Variants in CRPPA observed in about 807,000 individuals in gnomAD.
CRPPA encodes the protein D-ribitol-5-phosphate cytidylyltransferase.
Under a neutral mutation model 52.0 loss-of-function variants are expected in CRPPA, and 43 were observed. The observed-to-expected ratio is 0.83, with a 90% CI of 0.65 to 1.07. The LOEUF is 1.07. Among genes scored for constraint, CRPPA ranks in the 50% least tolerant of loss-of-function variants. CRPPA has a pLI of 0.00. For missense variants in CRPPA, 629 were observed against 551.7 expected, an observed-to-expected ratio of 1.14 and a Z score of -1.40; for synonymous variants, 250 against 203.5, an observed-to-expected ratio of 1.23 and a Z score of -1.94.
At chr7:16,158,156 T>C (rs1044186989) in intron 9 of CRPPA, among the ~76,000 whole-genome samples, 17 of 151,952 alleles carry the variant, frequency 1.1e-4, no homozygotes, top group African/African-American at 4.1e-4. Context: ...AGTGCTGGGA[T>C]TACAGGCGTG....
chr7:16,389,928 A>AAAAAAATAT, intron 2 of CRPPA, among the ~76,000 whole-genome samples: 20 of 29,752 alleles, frequency 6.7e-4, no homozygotes, highest in African/African-American at 3.1e-3. Context: ...AAAAAAAAAA[A>AAAAAAATAT]ATATATATAT....
At chr7:16,264,940 G>T (rs1295144) in intron 6 of CRPPA, among the ~76,000 whole-genome samples, 1 of 152,050 alleles carries the variant, frequency 6.6e-6, no homozygotes, top group African/African-American at 2.4e-5. Context: ...GGCAAGTTAC[G>T]TAAGTCCTGT....
At chr7:16,353,577 T>C (rs558264730) in intron 3 of CRPPA, among the ~76,000 whole-genome samples, 206 of 152,256 alleles carry the variant, frequency 1.4e-3, no homozygotes, top group Non-Finnish European at 2.4e-3. Flanking sequence ...TGGCAGGGTG[T>C]GGTGGCTCAC....
intron 9 of CRPPA, among the ~76,000 whole-genome samples, chr7:16,200,795 C>T (rs1781833428): frequency 6.6e-6 from 1 of 152,114 alleles, no homozygotes; most frequent in African/African-American, 2.4e-5. Flanking sequence ...GCAGACCTAA[C>T]AGACAATGAA....
chr7:16,176,860 T>A (rs193296905), intron 9 of CRPPA, among the ~76,000 whole-genome samples: 1 of 152,268 alleles, frequency 6.6e-6, no homozygotes, highest in East Asian at 1.9e-4. Flanking sequence ...TAACGGAACA[T>A]GAATGCTGCT....
intron 9 of CRPPA, among the ~76,000 whole-genome samples, chr7:16,109,298 G>A (rs1782214349): frequency 6.6e-6 from 1 of 151,732 alleles, no homozygotes. Flanking sequence ...TCAATGAATT[G>A]AGTAACCCAG....
At chr7:16,410,342 T>C (rs761456721) in intron 1 of CRPPA, among the ~76,000 whole-genome samples, 9 of 152,220 alleles carry the variant, frequency 5.9e-5, no homozygotes, top group African/African-American at 1.9e-4. Context: ...GCCCATTTCC[T>C]AGGCCTTTCA....
intron 2 of CRPPA, among the ~76,000 whole-genome samples, chr7:16,389,913 CAAAAAAA>C (rs1163092089): frequency 3.8e-4 from 13 of 34,310 alleles, no homozygotes; most frequent in African/African-American, 1.1e-3. Context: ...GCCTAGTATA[CAAAAAAA>C]AAAAAAAAAT....
At position 16,368,423 on chromosome 7, in the gene CRPPA, C is replaced by T. The variant is rs147655009; in HGVS notation, c.684+7669G>A. Reference sequence around the variant, plus strand: ...ACAAATACCTAGTTACATGGAAAAGCCCAAGATTCTTTGAAAACAAACACA... The same window carrying T: ...ACAAATACCTAGTTACATGGAAAAGTCCAAGATTCTTTGAAAACAAACACA... On this transcript the variant is annotated intron_variant, in intron 3 of 9. Coordinates refer to ENST00000407010, the MANE Select transcript of CRPPA (RefSeq NM_001101426.4). 3.1e-3 allele frequency among the ~76,000 whole-genome samples: 476 copies of T among 152,206 alleles called. 2 individuals are homozygous for T. The highest frequency in any genetic ancestry group is 0.014 in the Middle Eastern group (4 of 294).
intron 9 of CRPPA, among the ~76,000 whole-genome samples, chr7:16,179,943 T>C (rs1024155543): frequency 1.3e-5 from 2 of 152,152 alleles, no homozygotes; most frequent in Non-Finnish European, 2.9e-5. Context: ...TTTTAACATG[T>C]ATTTAATGAA....
At chr7:16,299,652 G>T (rs1464485508) in intron 5 of CRPPA, among the ~76,000 whole-genome samples, 3 of 152,196 alleles carry the variant, frequency 2.0e-5, no homozygotes, top group Non-Finnish European at 4.4e-5. Flanking sequence ...CTAAAAGTTT[G>T]TTGACCTAAA....
At chr7:16,411,728 G>T (rs1338919858) in intron 1 of CRPPA, among the ~76,000 whole-genome samples, 2 of 152,078 alleles carry the variant, frequency 1.3e-5, no homozygotes, top group Admixed American at 6.6e-5. Context: ...GCTACTAAAA[G>T]TATTTCATAT....
intron 9 of CRPPA, among the ~76,000 whole-genome samples, chr7:16,193,175 C>A (rs937393615): frequency 1.3e-5 from 2 of 152,046 alleles, no homozygotes; most frequent in Admixed American, 6.6e-5. Context: ...ACATGATATA[C>A]GTATCCATTT....
chr7:16,421,328 C>T lies in CRPPA; in HGVS notation c.-6G>A. The T allele has an allele frequency of 1.6e-6, 2 of 1,244,908 alleles. No homozygotes were observed. Among genetic ancestry groups the T allele is most frequent in the Middle Eastern group, 3.1e-4 (1 of 3,206 alleles). 77.1% of individuals were successfully genotyped at this position (1,244,908 alleles called of 1,614,324 possible). A position where few individuals can be genotyped will look rare whatever the true frequency, so the allele number is the denominator to read the frequency against. ...CCCGGCGGCCCGGCCTCCATGGCTG[C>T]GGGCGGAACGGCGAGCCCCGCTAGC... is the stretch of plus-strand genomic sequence containing the variant. On this transcript the variant is annotated 5_prime_UTR_variant, in exon 1 of 10. Coordinates refer to ENST00000407010, the MANE Select transcript of CRPPA (RefSeq NM_001101426.4).
At chr7:16,196,460 A>C (rs1314067749) in intron 9 of CRPPA, among the ~76,000 whole-genome samples, 1 of 152,198 alleles carries the variant, frequency 6.6e-6, no homozygotes, top group Non-Finnish European at 1.5e-5. Context: ...TAGGCTACTT[A>C]TGTGAAGAAA....
chr7:16,134,474 G>T (rs1782729333), intron 9 of CRPPA, among the ~76,000 whole-genome samples: 2 of 152,036 alleles, frequency 1.3e-5, no homozygotes, highest in Admixed American at 1.3e-4. Context: ...AAAAGGTTGG[G>T]GATTGCTGGC....
At chr7:16,099,485 G>A (rs1008655411) in intron 9 of CRPPA, among the ~76,000 whole-genome samples, 26 of 149,804 alleles carry the variant, frequency 1.7e-4, no homozygotes, top group Non-Finnish European at 3.6e-4. Context: ...AAGGGAAGAG[G>A]GAAGGGAAGG....
At chr7:16,273,012 T>G (rs531501263) in intron 6 of CRPPA, among the ~76,000 whole-genome samples, 1 of 150,988 alleles carries the variant, frequency 6.6e-6, no homozygotes, top group East Asian at 2.0e-4. Context: ...ATGTGCACAA[T>G]GTGCAGGTTA....
intron 6 of CRPPA, chr7:16,270,731 A>C (rs1562599125): frequency 6.6e-6 from 1 of 152,174 alleles, no homozygotes; most frequent in Non-Finnish European, 1.5e-5. Flanking sequence ...CATTGTTATT[A>C]ACTATACAGT....
Sources: allele counts gnomAD v4.1 joint callset (sites outside exome capture counted in the v4.1 genomes callset), GRCh38; gene constraint gnomAD v4.1.1; transcripts MANE v1.5; gene names NCBI Gene and HGNC (gene_info 2026-07-23, HGNC 2026-07-21).